The following UTRN variants were observed in gnomAD, a reference collection of about 807,000 sequenced individuals.
The protein encoded by UTRN is utrophin.
In UTRN, 283 loss-of-function variants were observed where a neutral mutation model predicts 463.9. The observed-to-expected ratio is 0.61, with a 90% confidence interval of 0.55 to 0.67. The LOEUF (loss-of-function observed/expected upper bound fraction) is 0.67, where lower values mean the gene tolerates loss of function less well. UTRN is among the 30% of genes least tolerant of loss of function. The pLI, the probability that UTRN is intolerant of heterozygous loss-of-function variation, is 0.00. For missense variants in UTRN, 3,922 were observed against 4,084.3 expected (o/e 0.96, Z 1.08); for synonymous variants, 1,442 against 1,431.5 (o/e 1.01, Z -0.17).
chr6:144,617,529 A>G (rs1806261424), intron 51 of UTRN, among the ~76,000 whole-genome samples: 2 of 152,190 alleles, frequency 1.3e-5, no homozygotes, highest in South Asian at 4.1e-4. Flanking sequence ...GGAGACCAGA[A>G]CTATGAGTAT....
intron 39 of UTRN, among the ~76,000 whole-genome samples, chr6:144,518,160 C>A (rs958953173): frequency 6.6e-6 from 1 of 152,132 alleles, no homozygotes; most frequent in African/African-American, 2.4e-5. Context: ...TGATTTTCTC[C>A]CATGATATTA....
chr6:144,376,542 C>T (rs1165097654), intron 2 of UTRN, among the ~76,000 whole-genome samples: 1 of 152,060 alleles, frequency 6.6e-6, no homozygotes, highest in Non-Finnish European at 1.5e-5. Flanking sequence ...GCAATCCGCC[C>T]TCCTCGGCCT....
At chr6:144,446,006 G>C (rs1261003187) in intron 14 of UTRN, among the ~76,000 whole-genome samples, 1 of 152,090 alleles carries the variant, frequency 6.6e-6, no homozygotes, top group Non-Finnish European at 1.5e-5. Context: ...TCCAGTCTGG[G>C]TGACAGAGTG....
At chr6:144,450,899 C>T (rs901259009) in intron 17 of UTRN, among the ~76,000 whole-genome samples, 19 of 152,232 alleles carry the variant, frequency 1.2e-4, no homozygotes, top group African/African-American at 2.9e-4. Context: ...GAGGCCAAGG[C>T]GGGCCGATCA....
intron 61 of UTRN, among the ~76,000 whole-genome samples, chr6:144,786,901 T>C (rs754867615): frequency 1.3e-5 from 2 of 152,176 alleles, no homozygotes; most frequent in African/African-American, 2.4e-5. Context: ...GTAGGAATCA[T>C]GTCTTCTGCT....
chr6:144,291,729 C>A lies in UTRN; in HGVS notation c.-92-8C>A. 1.1e-6 allele frequency: 1 copy of A among 904,378 alleles called. No individual in the cohort carries two copies. Among genetic ancestry groups the A allele is most frequent in the Non-Finnish European group, 1.6e-6 (1 of 609,470 alleles). 56.0% of individuals were successfully genotyped at this position (904,378 alleles called of 1,614,324 possible). On this transcript the variant is annotated splice_polypyrimidine_tract_variant and splice_region_variant and intron_variant, in intron 1 of 74. Coordinates refer to ENST00000367545, the MANE Select transcript of UTRN (RefSeq NM_007124.3). ...TTTTCAAGTCAGTACTTTCCCTTTT[C>A]CTTTTAGGTATTGATGTCAAGCTGA...
intron 53 of UTRN, chr6:144,708,069 C>CT (rs71028303): frequency 0.14 from 23,566 of 170,120 alleles, 1,611 homozygotes; most frequent in African/African-American, 0.21. Context: ...TGAAAATTAA[C>CT]TTTTTTTTTT....
In UTRN at chr6:144,474,713, C is replaced by G; in HGVS notation, c.3290C>G (p.Thr1097Arg). 6.2e-7 allele frequency: 1 copy of G among 1,613,978 alleles called. No homozygotes were observed. Among genetic ancestry groups the G allele is most frequent in the African/African-American group, 1.3e-5 (1 of 75,014 alleles). The change falls in exon 25 of 75, where the codon ACA becomes AGA. Residue 1097 changes from threonine to arginine, a missense_variant. Thr to Arg is a moderately conservative substitution (Grantham distance 71). Transcript: ENST00000367545. ...GCTGGAATAAAAACTTGGGTGCAGA[C>G]AAGACTAGGTGACTACCAAACTCAA... ...PVAGIKTWVQ[T>R]RLGDYQTQLE...
At chr6:144,573,498 A>G (rs989340903) in intron 50 of UTRN, among the ~76,000 whole-genome samples, 1 of 152,108 alleles carries the variant, frequency 6.6e-6, no homozygotes, top group Non-Finnish European at 1.5e-5. Flanking sequence ...GTTTGAGACC[A>G]GCCTAGTCAA....
chr6:144,441,817 C>G (rs971753179), intron 13 of UTRN, among the ~76,000 whole-genome samples: 1 of 152,204 alleles, frequency 6.6e-6, no homozygotes, highest in Admixed American at 6.5e-5. Context: ...TGGATGTTCC[C>G]AAACCTCAAT....
intron 34 of UTRN, among the ~76,000 whole-genome samples, chr6:144,501,682 T>C (rs1794195528): frequency 6.6e-6 from 1 of 152,196 alleles, no homozygotes; most frequent in Non-Finnish European, 1.5e-5. Context: ...CCATTTTCAT[T>C]ATTATAGATA....
chr6:144,697,200 C>T (rs917568068), intron 52 of UTRN, among the ~76,000 whole-genome samples: 3 of 152,022 alleles, frequency 2.0e-5, no homozygotes, highest in African/African-American at 7.2e-5. Context: ...TTGTACATAT[C>T]AAAGTACTAA....
At chr6:144,470,019 G>A (rs1012331773) in intron 23 of UTRN, among the ~76,000 whole-genome samples, 6 of 152,148 alleles carry the variant, frequency 3.9e-5, no homozygotes, top group African/African-American at 1.2e-4. Context: ...GGGGTTGGGG[G>A]CAAGGTTATA....
chr6:144,548,807 A>G lies in UTRN; in HGVS notation c.6763A>G (p.Thr2255Ala), dbSNP rs1232869073. Residue 2255 changes from threonine (T) to alanine (A), a missense_variant, in exon 47 of 75, where the codon ACT (threonine) becomes GCT (alanine). Thr to Ala is a moderately conservative substitution (Grantham distance 58, BLOSUM62 0). This residue lies in a region of UTRN where 1,309 missense variants were observed against 1,452.6 expected (regional missense o/e 0.90). Transcript: ENST00000367545. ...CCAGATGCTGAAGTCCAACATTGTC[A>G]CTGTTGGGGATGTAGAAGAGATCAA... is the stretch of plus-strand genomic sequence containing the variant. ...IDQMLKSNIV[T>A]VGDVEEINKT... 6.2e-7 allele frequency: 1 copy of G among 1,614,034 alleles called. No homozygotes were observed. Among genetic ancestry groups the G allele is most frequent in the East Asian group, 2.2e-5 (1 of 44,852 alleles).
intron 60 of UTRN, among the ~76,000 whole-genome samples, chr6:144,778,581 G>C (rs1775540238): frequency 6.6e-6 from 1 of 151,500 alleles, no homozygotes; most frequent in African/African-American, 2.4e-5. Context: ...CTATATTTCT[G>C]GGGAAGAGAA....
chr6:144,290,257 C>G (rs1220909553), intron 1 of UTRN, among the ~76,000 whole-genome samples: 1 of 152,086 alleles, frequency 6.6e-6, no homozygotes, highest in East Asian at 1.9e-4. Flanking sequence ...TTCAAATGAT[C>G]CTCAAATGTT....
At chr6:144,746,682 G>C (rs1790784948) in intron 54 of UTRN, among the ~76,000 whole-genome samples, 1 of 151,976 alleles carries the variant, frequency 6.6e-6, no homozygotes, top group African/African-American at 2.4e-5. Context: ...TCGCCATGTT[G>C]GCCAGGCTGG....
chr6:144,827,273 C>G (rs1780266944), intron 66 of UTRN, 75 bp from the exon 67 acceptor site: 9 of 1,557,624 alleles, frequency 5.8e-6, no homozygotes, highest in Admixed American at 1.7e-5. Flanking sequence ...TCTCCCCACA[C>G]CCCCACTGCT....
intron 42 of UTRN, among the ~76,000 whole-genome samples, chr6:144,532,800 G>A (rs1562535128): frequency 6.6e-6 from 1 of 152,160 alleles, no homozygotes; most frequent in African/African-American, 2.4e-5. Context: ...ATGCTTTAAT[G>A]TAAACAGCTG....
Sources: gnomAD v4.1 joint callset for allele counts (sites outside exome capture counted in the v4.1 genomes callset) on GRCh38, gnomAD v4.1.1 for gene constraint, gnomAD v4.1.1 regional missense constraint, MANE v1.5 for transcripts, NCBI Gene and HGNC (gene_info 2026-07-23, HGNC 2026-07-21) for gene names.